ARHGEF7: variants seen among roughly 807,000 people sequenced by gnomAD.
The protein encoded by ARHGEF7 is PAK-interacting exchange factor beta.
A neutral mutation model predicts 109.8 loss-of-function variants in ARHGEF7; 33 were observed. The ratio of observed to expected loss-of-function variants is 0.30; its 90% CI spans 0.23 to 0.40. The LOEUF is 0.40. Among genes scored for constraint, ARHGEF7 ranks in the 10% least tolerant of loss-of-function variants. ARHGEF7 has a pLI of 1.00. For missense variants in ARHGEF7, 938 were observed against 1,098.5 expected, an observed-to-expected ratio of 0.85 and a Z score of 2.07; for synonymous variants, 458 against 424.6, an observed-to-expected ratio of 1.08 and a Z score of -0.97.
chr13:111,156,900 G>A (rs544011918), intron 2 of ARHGEF7, among the ~76,000 whole-genome samples: 2 of 152,178 alleles, frequency 1.3e-5, no homozygotes, highest in African/African-American at 4.8e-5. Context: ...TCTTCCAGGG[G>A]TTAGTTTAGA....
chr13:111,276,727 T>G (rs896986246), intron 12 of ARHGEF7, among the ~76,000 whole-genome samples: 3 of 152,234 alleles, frequency 2.0e-5, no homozygotes, highest in Non-Finnish European at 4.4e-5. Flanking sequence ...CAAGTCGTTC[T>G]CAGTGACTTC....
At chr13:111,190,535 C>G (rs1363130090) in intron 2 of ARHGEF7, among the ~76,000 whole-genome samples, 1 of 152,134 alleles carries the variant, frequency 6.6e-6, no homozygotes, top group African/African-American at 2.4e-5. Context: ...TTATTTCTTG[C>G]AAACTGAGAA....
intron 20 of ARHGEF7, 108 bp downstream of exon 20, chr13:111,300,955 T>A: frequency 1.7e-6 from 1 of 598,646 alleles, no homozygotes; most frequent in South Asian, 2.7e-5. Flanking sequence ...AGCTTCACTT[T>A]TTTTTTTTTT....
chr13:111,232,778 G>T (rs187334232), intron 5 of ARHGEF7, among the ~76,000 whole-genome samples: 52 of 152,238 alleles, frequency 3.4e-4, no homozygotes, highest in Non-Finnish European at 7.4e-5. Flanking sequence ...TGTTTAGAGA[G>T]ACTTTTCCAT....
At chr13:111,129,170 T>C (rs1277073382) in intron 1 of ARHGEF7, among the ~76,000 whole-genome samples, 1 of 152,192 alleles carries the variant, frequency 6.6e-6, no homozygotes, top group Non-Finnish European at 1.5e-5. Context: ...TTTTTAAAGA[T>C]GAACTTTGAT....
intron 15 of ARHGEF7, among the ~76,000 whole-genome samples, chr13:111,282,124 C>A (rs920789512): frequency 7.2e-5 from 11 of 152,222 alleles, no homozygotes; most frequent in Admixed American, 2.0e-4. Flanking sequence ...TTCCCTCCCC[C>A]ATGCAGGGAC....
At chr13:111,283,879 C>A (rs775341677) in intron 16 of ARHGEF7, among the ~76,000 whole-genome samples, 1 of 152,038 alleles carries the variant, frequency 6.6e-6, no homozygotes, top group Non-Finnish European at 1.5e-5. Flanking sequence ...AATCATGATG[C>A]GGTCTTTGCT....
Position 111,258,041 on chromosome 13 carries a change from C to G in ARHGEF7, c.951-9507C>G, listed in dbSNP as rs1383246536. Among the ~76,000 whole-genome samples, 1 of 152,252 alleles carries G rather than the reference C, an allele frequency of 6.6e-6. No individual in the cohort carries two copies. Among genetic ancestry groups the G allele is most frequent in the Non-Finnish European group, 1.5e-5 (1 of 68,034 alleles). On this transcript the variant is annotated intron_variant, in intron 8 of 21. Coordinates refer to ENST00000646102, the MANE Select transcript of ARHGEF7 (RefSeq NM_001354046.2). The surrounding 1 kb of genome is among the most constrained non-coding windows in gnomAD (Gnocchi z 4.4). Reference sequence around the variant, plus strand: ...TAAGACCTAGTGTTGTGCTGGGGCTCTGAGCCAGTGGCCTTGGGGGGCCTG... The same window carrying G: ...TAAGACCTAGTGTTGTGCTGGGGCTGTGAGCCAGTGGCCTTGGGGGGCCTG...
At chr13:111,176,707 C>T (rs899619539) in intron 2 of ARHGEF7, among the ~76,000 whole-genome samples, 17 of 152,198 alleles carry the variant, frequency 1.1e-4, no homozygotes, top group Non-Finnish European at 2.4e-4. Context: ...CCATTTCAGG[C>T]GTGTCACATG....
chr13:111,188,517 C>T lies in ARHGEF7; in HGVS notation c.253-16772C>T, dbSNP rs569512838. On this transcript the variant is annotated intron_variant, in intron 2 of 21. Transcript: ENST00000646102. ...TTCCTCCTACACGGTGCTGGATCCC[C>T]CAGAGGATCAGCAGCCGAGAGGCTT... is the stretch of plus-strand genomic sequence containing the variant. Among the ~76,000 whole-genome samples, 116 of 152,298 alleles carry T rather than the reference C, an allele frequency of 7.6e-4. No homozygotes were observed. The Middle Eastern group carries it at 0.01, about 13-fold the overall frequency.
At chr13:111,168,488 C>T (rs957316176) in intron 2 of ARHGEF7, among the ~76,000 whole-genome samples, 4 of 152,184 alleles carry the variant, frequency 2.6e-5, no homozygotes, top group South Asian at 2.1e-4. Context: ...CAGAATGTTC[C>T]AAGAACTTGG....
At chr13:111,217,171 CAAAG>C (rs2083250917) in intron 4 of ARHGEF7, among the ~76,000 whole-genome samples, 1 of 152,072 alleles carries the variant, frequency 6.6e-6, no homozygotes, top group Non-Finnish European at 1.5e-5. Context: ...CAGGTATATT[CAAAG>C]ATAGACATAC....
chr13:111,163,696 G>A (rs1040351367), intron 2 of ARHGEF7, among the ~76,000 whole-genome samples: 7 of 152,088 alleles, frequency 4.6e-5, no homozygotes, highest in African/African-American at 1.4e-4. Flanking sequence ...ACTATGCCTG[G>A]CTAATTTTTG....
At chr13:111,265,844 C>T (rs1419045945) in intron 8 of ARHGEF7, 1 of 415,864 alleles carries the variant, frequency 2.4e-6, no homozygotes, top group African/African-American at 2.0e-5. Context: ...CCTGCGGGTG[C>T]CTTGATCTTA....
intron 8 of ARHGEF7, among the ~76,000 whole-genome samples, chr13:111,261,590 C>T (rs1335933543): frequency 1.3e-5 from 2 of 152,164 alleles, no homozygotes; most frequent in African/African-American, 4.8e-5. Flanking sequence ...TTTATCTGTA[C>T]TTTAGAACAA....
intron 4 of ARHGEF7, among the ~76,000 whole-genome samples, chr13:111,212,930 A>G (rs548521537): frequency 1.3e-5 from 2 of 152,198 alleles, no homozygotes; most frequent in Non-Finnish European, 2.9e-5. Flanking sequence ...TGACATGAGG[A>G]AACTGAAGCT....
At chr13:111,195,708 G>C (rs1019351642) in intron 2 of ARHGEF7, among the ~76,000 whole-genome samples, 1 of 152,154 alleles carries the variant, frequency 6.6e-6, no homozygotes, top group African/African-American at 2.4e-5. Context: ...GATTGCCTCG[G>C]CATAGCGGAC....
At chr13:111,203,152 A>G (rs1594670441) in intron 2 of ARHGEF7, 1 of 1,241,392 alleles carries the variant, frequency 8.1e-7, no homozygotes, top group East Asian at 5.7e-5. Flanking sequence ...TTCTTTTTGT[A>G]GTATACAAAA....
chr13:111,280,366 T>A lies in ARHGEF7; in HGVS notation c.1585+16T>A. Reference sequence around the variant, plus strand: ...GAAATATCAGGTGATAGGCACAAGCTGTGTGAGTGCTGTGTCTCGGGGAGG... The same window carrying A: ...GAAATATCAGGTGATAGGCACAAGCAGTGTGAGTGCTGTGTCTCGGGGAGG... On this transcript the variant is annotated intron_variant, in intron 14 of 21. Coordinates refer to ENST00000646102, the MANE Select transcript of ARHGEF7 (RefSeq NM_001354046.2). 1 of 1,611,016 alleles carries A rather than the reference T, an allele frequency of 6.2e-7. No homozygotes were observed.
Sources: gnomAD v4.1 joint callset for allele counts (sites outside exome capture counted in the v4.1 genomes callset) on GRCh38, gnomAD v4.1.1 for gene constraint, Gnocchi (gnomAD v3.1) non-coding constraint, MANE v1.5 for transcripts, NCBI Gene and HGNC (gene_info 2026-07-23, HGNC 2026-07-21) for gene names.